The following SMURF2 variants were observed in gnomAD, a reference collection of about 807,000 sequenced individuals.
SMURF2 encodes the protein SMAD specific E3 ubiquitin protein ligase 2.
Under a neutral mutation model 109.6 loss-of-function variants are expected in SMURF2, and 48 were observed. That is an observed-to-expected ratio of 0.44 (90% CI 0.35 to 0.56). The LOEUF (loss-of-function observed/expected upper bound fraction) is 0.56, where lower values mean the gene tolerates loss of function less well. SMURF2 is among the 20% of genes least tolerant of loss of function. The probability of loss-of-function intolerance (pLI) is 0.01; values close to 1 mark genes in which losing one functional copy is unlikely to be tolerated. For missense variants in SMURF2, 575 were observed against 909.0 expected, an observed-to-expected ratio of 0.63 and a Z score of 4.72; for synonymous variants, 288 against 317.1, an observed-to-expected ratio of 0.91 and a Z score of 0.97.
At chr17:64,612,677 C>G (rs1183698958) in intron 1 of SMURF2, among the ~76,000 whole-genome samples, 1 of 151,918 alleles carries the variant, frequency 6.6e-6, no homozygotes, top group Non-Finnish European at 1.5e-5. Context: ...CTGTCCCCCT[C>G]CCTCCACCCC....
chr17:64,648,779 AACAC>A (rs376328927), intron 1 of SMURF2, among the ~76,000 whole-genome samples: 4 of 151,574 alleles, frequency 2.6e-5, no homozygotes, highest in Non-Finnish European at 1.5e-5. Flanking sequence ...CAAAAAACAA[AACAC>A]ACACACACAC....
intron 2 of SMURF2, among the ~76,000 whole-genome samples, chr17:64,603,658 G>A (rs1969930537): frequency 6.6e-6 from 1 of 151,862 alleles, no homozygotes; most frequent in South Asian, 2.1e-4. Flanking sequence ...TAGATGGTGG[G>A]TCTTTACTAT....
intron 17 of SMURF2, among the ~76,000 whole-genome samples, chr17:64,546,899 C>T (rs1248302999): frequency 1.2e-4 from 19 of 152,354 alleles, no homozygotes; most frequent in African/African-American, 4.6e-4. Flanking sequence ...CGCTCTCCCC[C>T]CAGGGATTTC....
intron 10 of SMURF2, among the ~76,000 whole-genome samples, chr17:64,570,917 A>G (rs1174003120): frequency 6.6e-6 from 1 of 152,102 alleles, no homozygotes; most frequent in Non-Finnish European, 1.5e-5. Context: ...AGTAGCTGGG[A>G]CCACAGGTGC....
chr17:64,621,319 C>T (rs1243994315), intron 1 of SMURF2, among the ~76,000 whole-genome samples: 1 of 152,234 alleles, frequency 6.6e-6, no homozygotes, highest in Non-Finnish European at 1.5e-5. Flanking sequence ...CTGGCTCACG[C>T]CTGTAATCCC....
At chr17:64,606,297 T>C (rs1555689046) in intron 2 of SMURF2, among the ~76,000 whole-genome samples, 1 of 152,224 alleles carries the variant, frequency 6.6e-6, no homozygotes, top group Non-Finnish European at 1.5e-5. Context: ...TTAAACCTTT[T>C]CTAGAACTCT....
intron 3 of SMURF2, among the ~76,000 whole-genome samples, chr17:64,596,603 A>AAAAAAAAAAAAAC: frequency 6.8e-6 from 1 of 147,932 alleles, no homozygotes; most frequent in African/African-American, 2.6e-5. Context: ...AAAAAAAAAA[A>AAAAAAAAAAAAAC]AAAAAAGGAA....
chr17:64,559,187 A>G (rs984410231), intron 12 of SMURF2, among the ~76,000 whole-genome samples: 2 of 151,914 alleles, frequency 1.3e-5, no homozygotes, highest in East Asian at 1.9e-4. Context: ...TAGAACACAA[A>G]TAAGAGCAGA....
rs1227641504 is a variant in SMURF2 at position 64,661,851 on chromosome 17, C to T, written c.30G>A (p.Gly10=). 7.4e-6 allele frequency: 9 copies of T among 1,220,438 alleles called. No individual in the cohort carries two copies. Among genetic ancestry groups the T allele is most frequent in the Non-Finnish European group, 9.2e-6 (9 of 980,646 alleles). The allele number at this position is 1,220,438 out of a possible 1,614,324, so 75.6% of individuals were successfully genotyped here. A position where few individuals can be genotyped will look rare whatever the true frequency, so the allele number is the denominator to read the frequency against. ...CACCTGTCAGGCGCAGCTTGACGGGCCCGTTCCTCCGGCCTCCGGGGTTAG... is the reference window on the plus strand; with the variant it reads ...CACCTGTCAGGCGCAGCTTGACGGGTCCGTTCCTCCGGCCTCCGGGGTTAG... The part of the protein sequence containing the change: MSNPGGRRN[G]PVKLRLTVLC... The change falls in exon 1 of 19, where the codon GGG becomes GGA. Residue 10 remains glycine, a synonymous_variant. Coordinates refer to ENST00000262435, the MANE Select transcript of SMURF2 (RefSeq NM_022739.4).
intron 2 of SMURF2, among the ~76,000 whole-genome samples, chr17:64,605,328 A>G (rs1555688934): frequency 6.6e-6 from 1 of 152,168 alleles, no homozygotes; most frequent in African/African-American, 2.4e-5. Context: ...ATTTATAACT[A>G]TATAGTTTTA....
intron 1 of SMURF2, among the ~76,000 whole-genome samples, chr17:64,641,679 C>T (rs565869843): frequency 5.9e-5 from 9 of 152,244 alleles, no homozygotes; most frequent in African/African-American, 2.2e-4. Flanking sequence ...CATGGAGGCT[C>T]TGACATGACC....
intron 1 of SMURF2, among the ~76,000 whole-genome samples, chr17:64,637,447 C>CT (rs1568205591): frequency 6.6e-6 from 1 of 151,872 alleles, no homozygotes; most frequent in African/African-American, 2.4e-5. Flanking sequence ...AGTCTTATGG[C>CT]TTGCATTGTT....
intron 1 of SMURF2, among the ~76,000 whole-genome samples, chr17:64,607,822 T>C (rs1969989993): frequency 1.3e-5 from 2 of 151,098 alleles, no homozygotes; most frequent in African/African-American, 4.9e-5. Context: ...AATACAAAAA[T>C]TAGCTGGGTG....
chr17:64,555,831 T>C lies in SMURF2; in HGVS notation c.1599A>G (p.Leu533=). ...GACTCAATACATACAGTATCCACACTAAACTGTTGTGAAGATCCGGATCTA... is the reference window on the plus strand; with the variant it reads ...GACTCAATACATACAGTATCCACACCAAACTGTTGTGAAGATCCGGATCTA... ...ELVDPDLHNS[L]VWILENDITG... The change falls in exon 14 of 19, where the codon TTA becomes TTG. Residue 533 remains leucine (L), a synonymous_variant. Transcript: ENST00000262435. The C allele has an allele frequency of 3.1e-6, 5 of 1,610,168 alleles. No homozygotes were observed. Among genetic ancestry groups the C allele is most frequent in the Non-Finnish European group, 4.2e-6 (5 of 1,177,028 alleles).
chr17:64,594,346 C>G (rs2144657508), intron 3 of SMURF2, among the ~76,000 whole-genome samples: 1 of 152,208 alleles, frequency 6.6e-6, no homozygotes, highest in South Asian at 2.1e-4. Context: ...AAAAATTCAC[C>G]TAGTATACAG....
In SMURF2 at chr17:64,662,304, G is replaced by C. The variant is rs1598323659; in HGVS notation, c.-424C>G. On this transcript the variant is annotated 5_prime_UTR_variant, in exon 1 of 19. Transcript: ENST00000262435. ...CGCTTCCTCCTCCACCCGCCCTCTTGTCTGAGGGACCCGGGACCTGGGGCC... is the reference window on the plus strand; with the variant it reads ...CGCTTCCTCCTCCACCCGCCCTCTTCTCTGAGGGACCCGGGACCTGGGGCC... The C allele has an allele frequency of 2.1e-6, 2 of 964,962 alleles. No homozygotes were observed. The highest frequency in any genetic ancestry group is 1.2e-4 in the East Asian group (1 of 8,654). The allele number at this position is 964,962 out of a possible 1,614,324, so 59.8% of individuals were successfully genotyped here. A position where few individuals can be genotyped will look rare whatever the true frequency, so the allele number is the denominator to read the frequency against.
At chr17:64,578,229 C>T (rs1598279619) in intron 9 of SMURF2, among the ~76,000 whole-genome samples, 1 of 152,226 alleles carries the variant, frequency 6.6e-6, no homozygotes, top group East Asian at 1.9e-4. Context: ...CAGGCATGAG[C>T]TACCATGCCC....
chr17:64,598,533 G>T, intron 2 of SMURF2, 43 bp from the exon 3 acceptor site: 1 of 1,479,022 alleles, frequency 6.8e-7, no homozygotes, highest in East Asian at 2.4e-5. Flanking sequence ...TGACATTTAA[G>T]ATAGAAGATT....
chr17:64,646,483 G>C (rs1239588552), intron 1 of SMURF2, among the ~76,000 whole-genome samples: 2 of 150,248 alleles, frequency 1.3e-5, no homozygotes, highest in South Asian at 2.1e-4. Context: ...TGCTGGGCTC[G>C]AGCCATCCTC....
Sources: allele counts gnomAD v4.1 joint callset (sites outside exome capture counted in the v4.1 genomes callset), GRCh38; gene constraint gnomAD v4.1.1; transcripts MANE v1.5; gene names NCBI Gene and HGNC (gene_info 2026-07-23, HGNC 2026-07-21).